The following SCEL variants were observed in gnomAD, a reference collection of about 807,000 sequenced individuals.
SCEL encodes sciellin.
In SCEL, 113 loss-of-function variants were observed where a neutral mutation model predicts 117.6. The observed-to-expected ratio is 0.96, with a 90% CI of 0.83 to 1.12. SCEL has a LOEUF of 1.12. SCEL is among the 50% of genes most tolerant of loss of function. The pLI is 0.00. For missense variants in SCEL, 785 were observed against 810.8 expected (o/e 0.97, Z 0.39); for synonymous variants, 270 against 256.2 (o/e 1.05, Z -0.51).
intron 9 of SCEL, among the ~76,000 whole-genome samples, chr13:77,580,136 A>G (rs988263498): frequency 3.9e-5 from 6 of 152,210 alleles, no homozygotes; most frequent in Non-Finnish European, 8.8e-5. Flanking sequence ...TTAAGAGTTA[A>G]TGTTGTGCTG....
chr13:77,642,107 G>C (rs2090583522), intron 31 of SCEL, among the ~76,000 whole-genome samples: 1 of 151,878 alleles, frequency 6.6e-6, no homozygotes. Context: ...TATTTTCAAT[G>C]TAATTTCAAT....
intron 1 of SCEL, among the ~76,000 whole-genome samples, chr13:77,544,553 T>A (rs2083891270): frequency 6.6e-6 from 1 of 152,108 alleles, no homozygotes; most frequent in Non-Finnish European, 1.5e-5. Flanking sequence ...GAGATCAGGC[T>A]GGGGGACTGA....
At position 77,644,338 on chromosome 13, in the gene SCEL, T is replaced by C. The variant is rs2090698892; in HGVS notation, c.*64T>C. ...AGGAATTAAAGTTACAAGTTTTATC[T>C]TAATAATATGTAATCTAGAAAAGCT... On this transcript the variant is annotated 3_prime_UTR_variant, in exon 33 of 33. Coordinates refer to ENST00000349847, the MANE Select transcript of SCEL (RefSeq NM_144777.3). The C allele has an allele frequency of 1.3e-6, 2 of 1,505,264 alleles. No homozygotes were observed. The highest frequency in any genetic ancestry group is 4.5e-5 in the East Asian group (2 of 44,242). 93.2% of individuals were successfully genotyped at this position (1,505,264 alleles called of 1,614,324 possible).
chr13:77,601,060 A>T (rs1307359515), intron 15 of SCEL, among the ~76,000 whole-genome samples: 1 of 152,100 alleles, frequency 6.6e-6, no homozygotes, highest in Admixed American at 6.6e-5. Flanking sequence ...ACATGCCAAC[A>T]TATTATAGAC....
chr13:77,645,085 ATTATTTG>A lies in SCEL; in HGVS notation c.*815_*821del, dbSNP rs774889741. The A allele has an allele frequency of 7.9e-5, 10 of 125,996 alleles. No homozygotes were observed. Among genetic ancestry groups the A allele is most frequent in the African/African-American group, 1.9e-4 (6 of 31,490 alleles). 7.8% of individuals were successfully genotyped at this position (125,996 alleles called of 1,614,324 possible). A position where few individuals can be genotyped will look rare whatever the true frequency, so the allele number is the denominator to read the frequency against. On this transcript the variant is annotated 3_prime_UTR_variant, in exon 33 of 33. Transcript: ENST00000349847. ...ATATGACATGTATAGCTTACATGTTATTATTTGTTAAATTTTCTTTGTATACATTTCA... is the reference window on the plus strand; with the variant it reads ...ATATGACATGTATAGCTTACATGTTATTAAATTTTCTTTGTATACATTTCA...
intron 5 of SCEL, among the ~76,000 whole-genome samples, chr13:77,564,790 G>A (rs2085192208): frequency 6.6e-6 from 1 of 152,190 alleles, no homozygotes; most frequent in Non-Finnish European, 1.5e-5. Flanking sequence ...TGCCAGTGTT[G>A]ATTAATGTAG....
At chr13:77,641,257 C>T (rs1251605831) in intron 31 of SCEL, among the ~76,000 whole-genome samples, 1 of 152,094 alleles carries the variant, frequency 6.6e-6, no homozygotes, top group African/African-American at 2.4e-5. Context: ...AATTGTGGCT[C>T]AATAAATACT....
chr13:77,549,602 G>A (rs1319550990), intron 1 of SCEL, among the ~76,000 whole-genome samples: 4 of 152,154 alleles, frequency 2.6e-5, no homozygotes, highest in Admixed American at 6.6e-5. Flanking sequence ...ACTAGGATCC[G>A]ATCAGAAGAC....
At chr13:77,610,866 T>C (rs1490883448) in intron 22 of SCEL, among the ~76,000 whole-genome samples, 1 of 152,184 alleles carries the variant, frequency 6.6e-6, no homozygotes, top group East Asian at 1.9e-4. Flanking sequence ...GAAAAAAGAA[T>C]GACATTTGTC....
At chr13:77,545,723 A>G (rs995360701) in intron 1 of SCEL, among the ~76,000 whole-genome samples, 1 of 152,212 alleles carries the variant, frequency 6.6e-6, no homozygotes, top group Non-Finnish European at 1.5e-5. Flanking sequence ...GACATGGACA[A>G]TGGGTCCTAA....
At chr13:77,604,498 T>A in intron 19 of SCEL, 83 bp downstream of exon 19, 1 of 1,132,310 alleles carries the variant, frequency 8.8e-7, no homozygotes, top group Non-Finnish European at 1.2e-6. Flanking sequence ...TTCAGGACAG[T>A]AAATTGGAAT....
At chr13:77,595,377 C>CA (rs2087163148) in intron 12 of SCEL, among the ~76,000 whole-genome samples, 1 of 152,172 alleles carries the variant, frequency 6.6e-6, no homozygotes, top group Admixed American at 6.5e-5. Context: ...TGATTAAGAG[C>CA]ATTTAATTTG....
At chr13:77,591,308 G>T (rs2154400144) in intron 10 of SCEL, 87 bp from the exon 11 acceptor site, 2 of 830,862 alleles carry the variant, frequency 2.4e-6, no homozygotes, top group Non-Finnish European at 4.0e-6. Context: ...TGATCTTTTT[G>T]TACATAAATT....
intron 9 of SCEL, among the ~76,000 whole-genome samples, chr13:77,577,908 C>G (rs1469920079): frequency 6.6e-6 from 1 of 152,232 alleles, no homozygotes; most frequent in Admixed American, 6.5e-5. Flanking sequence ...TCCAGCCCCC[C>G]AGTTCCTGTT....
chr13:77,559,469 T>C (rs1593926605), intron 3 of SCEL, among the ~76,000 whole-genome samples: 1 of 152,170 alleles, frequency 6.6e-6, no homozygotes, highest in Non-Finnish European at 1.5e-5. Context: ...ACTCTTCTAA[T>C]ACATATAAAG....
chr13:77,640,123 C>T (rs2090491112), intron 30 of SCEL, among the ~76,000 whole-genome samples: 1 of 151,998 alleles, frequency 6.6e-6, no homozygotes, highest in Non-Finnish European at 1.5e-5. Context: ...ATCCTTATAT[C>T]CTGAGTCTTA....
chr13:77,561,344 G>A (rs1013458165), intron 4 of SCEL, among the ~76,000 whole-genome samples: 12 of 152,254 alleles, frequency 7.9e-5, no homozygotes, highest in Non-Finnish European at 8.8e-5. Flanking sequence ...AATTGTATTC[G>A]TTTCCTGAAC....
At chr13:77,562,650 A>G (rs1265030852) in intron 4 of SCEL, among the ~76,000 whole-genome samples, 1 of 152,166 alleles carries the variant, frequency 6.6e-6, no homozygotes, top group Non-Finnish European at 1.5e-5. Context: ...TACCTGATTT[A>G]TCCGTCTTGC....
At chr13:77,637,402 A>G (rs1175402690) in intron 30 of SCEL, among the ~76,000 whole-genome samples, 2 of 80,150 alleles carry the variant, frequency 2.5e-5, no homozygotes, top group African/African-American at 8.4e-5. Context: ...ATATATATAC[A>G]TATATAAATA....
Sources: allele counts gnomAD v4.1 joint callset (sites outside exome capture counted in the v4.1 genomes callset), GRCh38; gene constraint gnomAD v4.1.1; transcripts MANE v1.5; gene names NCBI Gene and HGNC (gene_info 2026-07-23, HGNC 2026-07-21).